Variants in GRM4 observed in about 807,000 individuals in gnomAD.
GRM4 encodes the protein metabotropic glutamate receptor 4.
Under a neutral mutation model 81.7 loss-of-function variants are expected in GRM4, and 28 were observed. That is an observed-to-expected ratio of 0.34 (90% CI 0.25 to 0.47). GRM4 has a LOEUF of 0.47. GRM4 is among the 20% of genes least tolerant of loss of function. The probability of loss-of-function intolerance (pLI) is 1.00; values close to 1 mark genes in which losing one functional copy is unlikely to be tolerated. For synonymous variants in GRM4, 488 were observed against 528.8 expected (o/e 0.92, Z 1.06); for missense variants, 948 against 1,290.0 (o/e 0.73, Z 4.06).
rs928385725 is a variant in GRM4 at position 34,068,341 on chromosome 6, C to T, written c.737-6313G>A. Among the ~76,000 whole-genome samples, 2 of 152,206 alleles carry T rather than the reference C, an allele frequency of 1.3e-5. No individual in the cohort carries two copies. Among genetic ancestry groups the T allele is most frequent in the African/African-American group, 4.8e-5 (2 of 41,458 alleles). ...ACTCTGGACTTGTAAATCCCACTTA[C>T]CTTCAAGTGAGGCGGGACGTGCTGC... On this transcript the variant is annotated intron_variant, in intron 3 of 10. Coordinates refer to ENST00000538487, the MANE Select transcript of GRM4 (RefSeq NM_000841.4). This position sits in a 1 kb window ranked among gnomAD's most constrained non-coding sequence, Gnocchi z 4.2.
Position 34,136,583 on chromosome 6 carries a change from C to CACACACACAA in GRM4, c.-363-2725_-363-2724insTTGTGTGTGT. Among the ~76,000 whole-genome samples, 1 of 151,612 alleles carries CACACACACAA rather than the reference C, an allele frequency of 6.6e-6. No individual in the cohort carries two copies. Among genetic ancestry groups the CACACACACAA allele is most frequent in the African/African-American group, 2.4e-5 (1 of 41,262 alleles). Reference sequence around the variant, plus strand: ...GTGCGGACACACACACACACACACACACACACACACACACACACACACGGG... The same window carrying CACACACACAA: ...GTGCGGACACACACACACACACACACACACACACAAACACACACACACACACACACACGGG... On this transcript the variant is annotated intron_variant, in intron 1 of 10. Coordinates refer to ENST00000538487, the MANE Select transcript of GRM4 (RefSeq NM_000841.4). The surrounding 1 kb of genome is among the most constrained non-coding windows in gnomAD (Gnocchi z 4.1).
intron 3 of GRM4, among the ~76,000 whole-genome samples, chr6:34,081,115 C>G (rs1219988767): frequency 6.6e-6 from 1 of 152,038 alleles, no homozygotes; most frequent in East Asian, 1.9e-4. Context: ...AAGGAGGACT[C>G]AGTCTTCCCA....
intron 2 of GRM4, among the ~76,000 whole-genome samples, chr6:34,093,698 TTGAC>T (rs1456299942): frequency 1.3e-5 from 2 of 152,088 alleles, no homozygotes; most frequent in African/African-American, 4.8e-5. Context: ...AATAAGGAAG[TTGAC>T]TGGGGACAGT....
At chr6:34,032,127 C>T (rs895099499) in intron 9 of GRM4, among the ~76,000 whole-genome samples, 1 of 152,166 alleles carries the variant, frequency 6.6e-6, no homozygotes, top group Non-Finnish European at 1.5e-5. Context: ...ACAAACACTC[C>T]TGGGCACATA....
rs764242535 is a variant in GRM4, at chr6:34,044,277, TAC to T, written c.1169-3531_1169-3530del. 2.2e-3 allele frequency among the ~76,000 whole-genome samples: 215 copies of T among 99,422 alleles called. 1 individual carries two copies. Among genetic ancestry groups the T allele is most frequent in the Middle Eastern group, 7.9e-3 (1 of 126 alleles). The allele number at this position is 99,422 out of a possible 152,430, so 65.2% of individuals were successfully genotyped here. On this transcript the variant is annotated intron_variant, in intron 6 of 10. Coordinates refer to ENST00000538487, the MANE Select transcript of GRM4 (RefSeq NM_000841.4). ...ACATACATACATACACATATACACATACACACACACATAGACATACATACATA... is the reference window on the plus strand; with the variant it reads ...ACATACATACATACACATATACACATACACACACATAGACATACATACATA...
rs1765904663 is a variant in GRM4, at chr6:34,056,550, ACTT to A, written c.1159_1161del (p.Lys387del). 6.2e-7 allele frequency: 1 copy of A among 1,612,684 alleles called. No homozygotes were observed. Among genetic ancestry groups the A allele is most frequent in the African/African-American group, 1.3e-5 (1 of 74,914 alleles). Reference sequence around the variant, plus strand: ...GCCCGGCCCGCGTGCTCACTGGTGCACTTCTTGACGTGGCTGCCCTTCTTGAGG... The same window carrying A: ...GCCCGGCCCGCGTGCTCACTGGTGCACTTGACGTGGCTGCCCTTCTTGAGG... On this transcript the variant is annotated inframe_deletion, in exon 6 of 11. Coordinates refer to ENST00000538487, the MANE Select transcript of GRM4 (RefSeq NM_000841.4).
chr6:34,122,545 T>C (rs2127504727), intron 2 of GRM4, among the ~76,000 whole-genome samples: 1 of 148,856 alleles, frequency 6.7e-6, no homozygotes, highest in South Asian at 2.1e-4. Context: ...CCAACATGTC[T>C]GGGTCATAAA....
chr6:34,071,598 A>C (rs1766862734), intron 3 of GRM4, among the ~76,000 whole-genome samples: 1 of 138,150 alleles, frequency 7.2e-6, no homozygotes, highest in Non-Finnish European at 1.6e-5. Flanking sequence ...CCACACAGAT[A>C]CATACCACAC....
At chr6:34,110,945 G>A in intron 2 of GRM4, 1 of 921,288 alleles carries the variant, frequency 1.1e-6, no homozygotes, top group Non-Finnish European at 1.4e-6. Flanking sequence ...CTCTCTCCAG[G>A]GGAACGCTGT....
At chr6:34,148,736 A>C (rs1326581348), upstream of GRM4, among the ~76,000 whole-genome samples, 1 of 152,236 alleles carries the variant, frequency 6.6e-6, no homozygotes, top group African/African-American at 2.4e-5. Context: ...GGAGCCCCCC[A>C]GCCTCTCTGA....
chr6:34,119,796 T>C (rs1277540175), intron 2 of GRM4, among the ~76,000 whole-genome samples: 2 of 152,172 alleles, frequency 1.3e-5, no homozygotes. Flanking sequence ...TCCCTGGAAA[T>C]GCTGCCAGGT....
chr6:34,094,338 G>C (rs1768400214), intron 2 of GRM4, among the ~76,000 whole-genome samples: 1 of 152,194 alleles, frequency 6.6e-6, no homozygotes. Context: ...CATTTGGAAA[G>C]CAAACCACAC....
intron 2 of GRM4, among the ~76,000 whole-genome samples, chr6:34,097,947 A>G (rs1768622047): frequency 1.3e-5 from 2 of 151,992 alleles, no homozygotes; most frequent in Admixed American, 6.6e-5. Flanking sequence ...TGTTAAAAGC[A>G]CCTTTGCCTT....
chr6:34,052,582 C>A (rs1439760681), intron 6 of GRM4, among the ~76,000 whole-genome samples: 1 of 152,204 alleles, frequency 6.6e-6, no homozygotes, highest in African/African-American at 2.4e-5. Context: ...GGGACTGAAA[C>A]AGAGGCCGAC....
intron 1 of GRM4, among the ~76,000 whole-genome samples, chr6:34,135,156 C>A (rs1335388422): frequency 6.6e-6 from 1 of 152,132 alleles, no homozygotes; most frequent in African/African-American, 2.4e-5. Flanking sequence ...AGATGTGGTC[C>A]CTCCATCAAG....
chr6:34,048,316 G>A lies in GRM4; in HGVS notation c.1169-7568C>T, dbSNP rs374098314. On this transcript the variant is annotated intron_variant, in intron 6 of 10. Transcript: ENST00000538487. This position sits in a 1 kb window ranked among gnomAD's most constrained non-coding sequence, Gnocchi z 4.0. Reference sequence around the variant, plus strand: ...TCTGTGAAGTAAAGCTGGCACCTGGGACTAGGCAAGGAGAGTCACACCTGG... The same window carrying A: ...TCTGTGAAGTAAAGCTGGCACCTGGAACTAGGCAAGGAGAGTCACACCTGG... Among the ~76,000 whole-genome samples, 8 of 152,286 alleles carry A rather than the reference G, an allele frequency of 5.3e-5. No individual in the cohort carries two copies. The East Asian group carries it at 1.2e-3, about 22-fold the overall frequency.
chr6:34,026,969 T>C (rs72888811), intron 10 of GRM4, among the ~76,000 whole-genome samples: 1 of 152,206 alleles, frequency 6.6e-6, no homozygotes, highest in Non-Finnish European at 1.5e-5. Context: ...GGGTCCCCAA[T>C]TTGGCAGAAA....
At chr6:34,038,118 A>G (rs1764812017) in intron 8 of GRM4, among the ~76,000 whole-genome samples, 1 of 152,202 alleles carries the variant, frequency 6.6e-6, no homozygotes, top group African/African-American at 2.4e-5. Context: ...CCCAGAGGAC[A>G]CGGGGCGATG....
At chr6:34,083,793 AGCCAGCGGCAGCACCCCTGCCT>A (rs1393931792) in intron 3 of GRM4, among the ~76,000 whole-genome samples, 1 of 152,180 alleles carries the variant, frequency 6.6e-6, no homozygotes, top group Non-Finnish European at 1.5e-5. Flanking sequence ...TACAAGCTAA[AGCCAGCGGCAGCACCCCTGCCT>A]GCTTCTACCC....
Sources: allele counts gnomAD v4.1 joint callset (sites outside exome capture counted in the v4.1 genomes callset), GRCh38; gene constraint gnomAD v4.1.1; non-coding constraint Gnocchi (gnomAD v3.1); transcripts MANE v1.5; gene names NCBI Gene and HGNC (gene_info 2026-07-23, HGNC 2026-07-21).